The following ADAM2 variants were observed in gnomAD, a reference collection of about 807,000 sequenced individuals.
ADAM2 encodes the protein ADAM metallopeptidase domain 2.
In ADAM2, 101 loss-of-function variants were observed where a neutral mutation model predicts 99.3. The ratio of observed to expected loss-of-function variants is 1.02; its 90% CI spans 0.87 to 1.20. ADAM2 has a LOEUF of 1.20. Among genes scored for constraint, ADAM2 ranks in the 50% most tolerant of loss-of-function variants. The pLI, the probability that ADAM2 is intolerant of heterozygous loss-of-function variation, is 0.00. For missense variants in ADAM2, 948 were observed against 878.7 expected, an observed-to-expected ratio of 1.08 and a Z score of -1.00; for synonymous variants, 323 against 287.6, an observed-to-expected ratio of 1.12 and a Z score of -1.25.
At chr8:39,769,172 C>T (rs1040120190) in intron 12 of ADAM2, among the ~76,000 whole-genome samples, 1 of 152,092 alleles carries the variant, frequency 6.6e-6, no homozygotes, top group African/African-American at 2.4e-5. Context: ...AGGAAAATTA[C>T]CTGTATATTC....
At chr8:39,765,567 T>C (rs757526925) in intron 14 of ADAM2, among the ~76,000 whole-genome samples, 1 of 152,158 alleles carries the variant, frequency 6.6e-6, no homozygotes, top group Non-Finnish European at 1.5e-5. Context: ...ACACCAACGA[T>C]TGAGGAAATT....
In ADAM2 at chr8:39,777,934, C is replaced by T. The variant is rs558939211; in HGVS notation, c.892-773G>A. ...TAACTCACTGAATTAATTAATATTA[C>T]GGTAATAATGACTGATATAAGAATT... On this transcript the variant is annotated intron_variant, in intron 10 of 20. Transcript: ENST00000265708. 3.5e-4 allele frequency among the ~76,000 whole-genome samples: 53 copies of T among 149,930 alleles called. 1 individual carries two copies. In the Middle Eastern group the frequency reaches 0.014, roughly 40 times the overall value.
In ADAM2 at chr8:39,755,830, G is replaced by T. The variant is rs2129583328; in HGVS notation, c.1695C>A (p.Ala565=). The change falls in exon 16 of 21, where the codon GCC becomes GCA. Residue 565 remains alanine, a synonymous_variant. Coordinates refer to ENST00000265708, the MANE Select transcript of ADAM2 (RefSeq NM_001464.5). ...CAATGCAGAGATGTCCACTTATGTT[G>T]GCATAAATAATAGTGGCTCTTGGAA... ...LQIPRATIIY[A]NISGHLCIAV... 6.2e-7 allele frequency: 1 copy of T among 1,605,884 alleles called. No individual in the cohort carries two copies. The highest frequency in any genetic ancestry group is 8.5e-7 in the Non-Finnish European group (1 of 1,173,380).
chr8:39,824,748 C>A, intron 4 of ADAM2, 71 bp downstream of exon 4: 1 of 819,286 alleles, frequency 1.2e-6, no homozygotes, highest in Non-Finnish European at 2.1e-6. Context: ...ACTCTAATAA[C>A]ATGTGGACAC....
chr8:39,745,098 A>C (rs998113934), intron 19 of ADAM2, among the ~76,000 whole-genome samples: 4 of 152,198 alleles, frequency 2.6e-5, no homozygotes, highest in African/African-American at 9.6e-5. Context: ...TGAATATGAA[A>C]AAAAAGCACA....
chr8:39,788,204 A>G lies in ADAM2; in HGVS notation c.690T>C (p.Leu230=), dbSNP rs1167382517. Residue 230 remains leucine, a synonymous_variant, in exon 9 of 21, where the codon CTT becomes CTC. Coordinates refer to ENST00000265708, the MANE Select transcript of ADAM2 (RefSeq NM_001464.5). ...TTGCAATTTTATTTTCATCTATCCA[A>G]AGCTCCAATGAAGACAGAATAATTG... ...NITIILSSLE[L]WIDENKIATT... is the part of the protein sequence containing the mutation. 2.5e-6 allele frequency: 4 copies of G among 1,574,398 alleles called. No individual in the cohort carries two copies. In the South Asian group the frequency reaches 4.6e-5, roughly 18 times the overall value.
At chr8:39,755,021 T>C (rs764489254) in intron 16 of ADAM2, among the ~76,000 whole-genome samples, 2 of 152,166 alleles carry the variant, frequency 1.3e-5, no homozygotes, top group African/African-American at 2.4e-5. Context: ...TGCGACTGGA[T>C]TGATTTTTTT....
In ADAM2 at chr8:39,833,996, A is replaced by C; in HGVS notation, c.136T>G (p.Ser46Ala). Residue 46 changes from serine (S) to alanine (A), a missense_variant, in exon 3 of 21, where the codon TCC becomes GCC. By Grantham distance (99) the Ser-to-Ala change is moderately conservative. Coordinates refer to ENST00000265708, the MANE Select transcript of ADAM2 (RefSeq NM_001464.5). ...TTCCCTTCAATTACAATTTTGTAGG[A>C]TGCCTGGCAGGAGAGCACAGTAAAA... The part of the protein sequence containing the change: ...IIKEGIESQA[S>A]YKIVIEGKPY... 1 of 1,571,678 alleles carries C rather than the reference A, an allele frequency of 6.4e-7. No homozygotes were observed. The highest frequency in any genetic ancestry group is 8.7e-7 in the Non-Finnish European group (1 of 1,144,962).
intron 6 of ADAM2, among the ~76,000 whole-genome samples, chr8:39,813,623 A>G (rs1278631254): frequency 6.6e-6 from 1 of 152,216 alleles, no homozygotes; most frequent in Non-Finnish European, 1.5e-5. Flanking sequence ...CTTTGTAGGG[A>G]CATGGATGAA....
rs1361136290 is a variant in ADAM2 at position 39,836,101 on chromosome 8, A to G, written c.132+1035T>C. Among the ~76,000 whole-genome samples the G allele has an allele frequency of 3.9e-5, 6 of 152,030 alleles. No homozygotes were observed. In the Admixed American group the frequency reaches 4.0e-4, roughly 10 times the overall value. The stretch of plus-strand genomic sequence containing the variant: ...AGCCTGATTAGTGCACAAAAGCATA[A>G]ATACACATAGCATTTGTATCTGACA... On this transcript the variant is annotated intron_variant, in intron 2 of 20. Coordinates refer to ENST00000265708, the MANE Select transcript of ADAM2 (RefSeq NM_001464.5).
chr8:39,823,464 C>A (rs1805280596), intron 4 of ADAM2, among the ~76,000 whole-genome samples: 1 of 151,852 alleles, frequency 6.6e-6, no homozygotes, highest in African/African-American at 2.4e-5. Flanking sequence ...CATTTGAGAT[C>A]AACTTGCAAC....
intron 9 of ADAM2, 91 bp downstream of exon 9, chr8:39,787,994 T>C: frequency 1.3e-5 from 11 of 876,986 alleles, no homozygotes; most frequent in Non-Finnish European, 1.6e-5. Context: ...AAATAGATTT[T>C]TTTAATACAC....
At chr8:39,834,994 A>G in intron 2 of ADAM2, among the ~76,000 whole-genome samples, 1 of 152,228 alleles carries the variant, frequency 6.6e-6, no homozygotes, top group East Asian at 1.9e-4. Flanking sequence ...TTAGAGCTGT[A>G]ACTTACTATT....
intron 16 of ADAM2, among the ~76,000 whole-genome samples, chr8:39,751,831 T>C (rs1443053899): frequency 6.6e-6 from 1 of 151,870 alleles, no homozygotes; most frequent in East Asian, 1.9e-4. Flanking sequence ...ATAAAATCTG[T>C]ACATACTCTT....
intron 11 of ADAM2, among the ~76,000 whole-genome samples, chr8:39,775,695 A>G (rs1802959595): frequency 6.6e-6 from 1 of 152,136 alleles, no homozygotes; most frequent in South Asian, 2.1e-4. Context: ...ATGGTGACTG[A>G]GAAATATTGG....
rs148046833 is a variant in ADAM2, at chr8:39,830,734, A to T, written c.188+3210T>A. ...TTGATGTGAGCATTTAAATGAAAGG[A>T]ATAGAGCTAGAAATTTCCTCTGCAA... On this transcript the variant is annotated intron_variant, in intron 3 of 20. Coordinates refer to ENST00000265708, the MANE Select transcript of ADAM2 (RefSeq NM_001464.5). Among the ~76,000 whole-genome samples the T allele has an allele frequency of 3.2e-3, 480 of 152,278 alleles. 2 individuals carry two copies. Among genetic ancestry groups the T allele is most frequent in the African/African-American group, 0.011 (466 of 41,562 alleles).
At position 39,749,737 on chromosome 8, in the gene ADAM2, C is replaced by T; in HGVS notation, c.1805G>A (p.Arg602Lys). 6.2e-7 allele frequency: 1 copy of T among 1,610,880 alleles called. No homozygotes were observed. The highest frequency in any genetic ancestry group is 1.1e-5 in the South Asian group (1 of 90,516). The change falls in exon 17 of 21, where the codon AGG (arginine) becomes AAG (lysine). Residue 602 changes from arginine to lysine, a missense_variant. Transcript: ENST00000265708. ...GTSCGSNKVC[R>K]NQRCVSSSYL... Reference sequence around the variant, plus strand: ...TGAAGAACTCACACATCTTTGATTCCTGCAAACCTAAAAAGGATGAGCAAA... The same window carrying T: ...TGAAGAACTCACACATCTTTGATTCTTGCAAACCTAAAAAGGATGAGCAAA...
At chr8:39,745,079 T>C (rs1823392609) in intron 19 of ADAM2, among the ~76,000 whole-genome samples, 186 bp from the exon 20 acceptor site, 1 of 152,148 alleles carries the variant, frequency 6.6e-6, no homozygotes, top group African/African-American at 2.4e-5. Context: ...ATGAACATCT[T>C]TGCATCAGTG....
Position 39,746,646 on chromosome 8 carries a change from A to C in ADAM2, c.2015-15T>G, listed in dbSNP as rs748130402. 3.9e-6 allele frequency: 6 copies of C among 1,552,556 alleles called. No homozygotes were observed. The highest frequency in any genetic ancestry group is 5.2e-6 in the Non-Finnish European group (6 of 1,158,256). Reference sequence around the variant, plus strand: ...GTAGCGCCTTTCTAGAAGAAAAAAAAATCAAAGATTTGAAAGCAAGCACCA... The same window carrying C: ...GTAGCGCCTTTCTAGAAGAAAAAAACATCAAAGATTTGAAAGCAAGCACCA... On this transcript the variant is annotated splice_polypyrimidine_tract_variant and intron_variant, in intron 18 of 20. Transcript: ENST00000265708.
Sources: allele counts gnomAD v4.1 joint callset (sites outside exome capture counted in the v4.1 genomes callset), GRCh38; gene constraint gnomAD v4.1.1; transcripts MANE v1.5; gene names NCBI Gene and HGNC (gene_info 2026-07-23, HGNC 2026-07-21).